The following PXDNL variants were observed in gnomAD, a reference collection of about 807,000 sequenced individuals.
PXDNL encodes the protein peroxidasin like.
A neutral mutation model predicts 150.8 loss-of-function variants in PXDNL; 145 were observed. The ratio of observed to expected loss-of-function variants is 0.96; its 90% CI spans 0.84 to 1.10. The LOEUF is 1.10. PXDNL is among the 50% of genes least tolerant of loss of function. The pLI is 0.00. For synonymous variants in PXDNL, 757 were observed against 725.7 expected (o/e 1.04, Z -0.69); for missense variants, 2,087 against 1,873.9 (o/e 1.11, Z -2.10).
chr8:51,403,975 A>T (rs972944722), intron 17 of PXDNL, among the ~76,000 whole-genome samples: 10 of 152,092 alleles, frequency 6.6e-5, no homozygotes, highest in African/African-American at 2.4e-4. Context: ...TCGTGGTCTC[A>T]CTGGCTTCAA....
intron 1 of PXDNL, among the ~76,000 whole-genome samples, chr8:51,785,862 C>G (rs970930102): frequency 6.6e-6 from 1 of 152,158 alleles, no homozygotes; most frequent in Non-Finnish European, 1.5e-5. Flanking sequence ...AAATCAAAAG[C>G]TAGAAATGAT....
At chr8:51,437,558 C>A (rs1474682978) in intron 12 of PXDNL, among the ~76,000 whole-genome samples, 1 of 152,090 alleles carries the variant, frequency 6.6e-6, no homozygotes, top group East Asian at 1.9e-4. Context: ...AAGTGTGATA[C>A]ACCACATAAA....
At chr8:51,679,817 G>A (rs10113360) in intron 1 of PXDNL, among the ~76,000 whole-genome samples, 8,767 of 152,106 alleles carry the variant, frequency 0.058, 374 homozygotes, top group African/African-American at 0.12. Context: ...AATAAGCATC[G>A]CCTTCAGGAA....
At chr8:51,585,833 C>G (rs1429820765) in intron 3 of PXDNL, among the ~76,000 whole-genome samples, 1 of 152,090 alleles carries the variant, frequency 6.6e-6, no homozygotes, top group Non-Finnish European at 1.5e-5. Context: ...CCTTCTTGCT[C>G]CTTCCATCAA....
chr8:51,412,181 C>T (rs533622130), intron 15 of PXDNL, among the ~76,000 whole-genome samples: 2 of 152,318 alleles, frequency 1.3e-5, no homozygotes, highest in South Asian at 2.1e-4. Context: ...TCAACTGAGG[C>T]ACATCTCATC....
At chr8:51,471,770 T>C (rs1319281919) in intron 8 of PXDNL, among the ~76,000 whole-genome samples, 1 of 151,590 alleles carries the variant, frequency 6.6e-6, no homozygotes, top group Non-Finnish European at 1.5e-5. Context: ...CACTGCAAGC[T>C]CCGCCTCCCG....
intron 2 of PXDNL, among the ~76,000 whole-genome samples, chr8:51,600,692 A>ATAT (rs1813695978): frequency 7.2e-6 from 1 of 138,488 alleles, no homozygotes; most frequent in Non-Finnish European, 1.5e-5. Context: ...ATGATAAATT[A>ATAT]CATCTTATAT....
chr8:51,800,507 C>G (rs1293639393), intron 1 of PXDNL, among the ~76,000 whole-genome samples: 2 of 152,130 alleles, frequency 1.3e-5, no homozygotes, highest in East Asian at 3.9e-4. Context: ...CAAGCACAGG[C>G]AGACTCAGTG....
chr8:51,767,605 C>T (rs539404816), intron 1 of PXDNL, among the ~76,000 whole-genome samples: 2 of 152,312 alleles, frequency 1.3e-5, no homozygotes, highest in Admixed American at 1.3e-4. Flanking sequence ...ATGCCTTAGT[C>T]TTCACTTCCT....
At chr8:51,424,964 GGAT>G (rs1809052696) in intron 13 of PXDNL, among the ~76,000 whole-genome samples, 1 of 152,158 alleles carries the variant, frequency 6.6e-6, no homozygotes, top group Non-Finnish European at 1.5e-5. Context: ...GTGAGAGGGC[GGAT>G]GAGAGAGACC....
At chr8:51,744,723 AAAAG>A (rs1280891420) in intron 1 of PXDNL, among the ~76,000 whole-genome samples, 1 of 8,898 alleles carries the variant, frequency 1.1e-4, no homozygotes, top group Non-Finnish European at 5.2e-3. Flanking sequence ...AGAAAAGAGA[AAAAG>A]AAAAGAAAGA....
intron 1 of PXDNL, among the ~76,000 whole-genome samples, chr8:51,758,282 T>C (rs904734136): frequency 6.6e-6 from 1 of 152,206 alleles, no homozygotes; most frequent in Non-Finnish European, 1.5e-5. Flanking sequence ...AATTTAATAA[T>C]AAGATGAATT....
intron 1 of PXDNL, among the ~76,000 whole-genome samples, chr8:51,719,677 A>G (rs1816689924): frequency 6.6e-6 from 1 of 152,124 alleles, no homozygotes; most frequent in Non-Finnish European, 1.5e-5. Flanking sequence ...TTCTAATGAG[A>G]ATTTTAAAAA....
In PXDNL at chr8:51,694,375, A is replaced by C. The variant is rs1011584681; in HGVS notation, c.165-39615T>G. ...GAGACTCCGTCTCAAACAAACAAAA[A>C]AAAAAAGGGTTTCACTAATAACTCT... is the stretch of plus-strand genomic sequence containing the variant. On this transcript the variant is annotated intron_variant, in intron 1 of 22. Coordinates refer to ENST00000356297, the MANE Select transcript of PXDNL (RefSeq NM_144651.5). Among the ~76,000 whole-genome samples, 14 of 152,308 alleles carry C rather than the reference A, an allele frequency of 9.2e-5. No individual in the cohort carries two copies. In the East Asian group the frequency reaches 1.2e-3, roughly 13 times the overall value.
intron 14 of PXDNL, among the ~76,000 whole-genome samples, chr8:51,421,925 C>T (rs1808966076): frequency 6.6e-6 from 1 of 152,136 alleles, no homozygotes; most frequent in South Asian, 2.1e-4. Context: ...TGACAGAGGT[C>T]CCCAACCCCC....
At chr8:51,456,681 G>A (rs979791669) in intron 9 of PXDNL, among the ~76,000 whole-genome samples, 1 of 152,144 alleles carries the variant, frequency 6.6e-6, no homozygotes, top group Non-Finnish European at 1.5e-5. Context: ...TACTGTGTCT[G>A]CACGCTAGAA....
chr8:51,369,621 T>C (rs1361155695), intron 19 of PXDNL, among the ~76,000 whole-genome samples: 1 of 150,324 alleles, frequency 6.7e-6, no homozygotes, highest in East Asian at 2.0e-4. Flanking sequence ...ATTTTGCTAC[T>C]GACATGACTT....
At chr8:51,641,478 G>A (rs1471566694) in intron 2 of PXDNL, among the ~76,000 whole-genome samples, 4 of 151,894 alleles carry the variant, frequency 2.6e-5, no homozygotes, top group Non-Finnish European at 5.9e-5. Context: ...TAATATTCCA[G>A]AATCTACAAT....
chr8:51,414,061 T>C (rs1466321620), intron 14 of PXDNL, among the ~76,000 whole-genome samples: 1 of 152,090 alleles, frequency 6.6e-6, no homozygotes, highest in Non-Finnish European at 1.5e-5. Context: ...ATGTTGAGTT[T>C]GAAAATAATG....
Sources: gnomAD v4.1 joint callset for allele counts (sites outside exome capture counted in the v4.1 genomes callset) on GRCh38, gnomAD v4.1.1 for gene constraint, MANE v1.5 for transcripts, NCBI Gene and HGNC (gene_info 2026-07-23, HGNC 2026-07-21) for gene names.